The following AGBL4 variants were observed in gnomAD, a reference collection of about 807,000 sequenced individuals.
The protein encoded by AGBL4 is AGBL carboxypeptidase 4.
A neutral mutation model predicts 66.4 loss-of-function variants in AGBL4; 58 were observed. That is an observed-to-expected ratio of 0.87 (90% CI 0.71 to 1.09). AGBL4 has a LOEUF of 1.09. AGBL4 is among the 50% of genes least tolerant of loss of function. The pLI is 0.00. For missense variants in AGBL4, 579 were observed against 631.0 expected (o/e 0.92, Z 0.88); for synonymous variants, 234 against 222.9 (o/e 1.05, Z -0.44).
At chr1:49,130,165 G>GT (rs927969629) in intron 4 of AGBL4, among the ~76,000 whole-genome samples, 2 of 151,952 alleles carry the variant, frequency 1.3e-5, no homozygotes, top group Non-Finnish European at 2.9e-5. Context: ...GGGGTTGTTT[G>GT]TTTTTTCTTG....
intron 3 of AGBL4, among the ~76,000 whole-genome samples, chr1:49,520,365 C>A (rs1650159349): frequency 6.6e-6 from 1 of 151,990 alleles, no homozygotes; most frequent in Non-Finnish European, 1.5e-5. Context: ...TAAATACCTA[C>A]AAAAATGACA....
At chr1:48,850,322 C>G (rs1294411004) in intron 6 of AGBL4, among the ~76,000 whole-genome samples, 1 of 152,046 alleles carries the variant, frequency 6.6e-6, no homozygotes, top group Non-Finnish European at 1.5e-5. Flanking sequence ...ATCATTCTGG[C>G]TTTGTGGTCA....
chr1:49,567,688 C>A (rs1223035615), intron 3 of AGBL4, among the ~76,000 whole-genome samples: 1 of 152,170 alleles, frequency 6.6e-6, no homozygotes, highest in African/African-American at 2.4e-5. Flanking sequence ...TTAAGCCCAG[C>A]ATGCATTAGC....
At chr1:48,758,544 C>T (rs1393573277) in intron 6 of AGBL4, among the ~76,000 whole-genome samples, 2 of 152,234 alleles carry the variant, frequency 1.3e-5, no homozygotes, top group African/African-American at 4.8e-5. Context: ...AGGATCATGT[C>T]TACTTCTTTT....
At chr1:50,000,211 A>G (rs1203742581) in intron 1 of AGBL4, among the ~76,000 whole-genome samples, 1 of 152,064 alleles carries the variant, frequency 6.6e-6, no homozygotes, top group Non-Finnish European at 1.5e-5. Flanking sequence ...ACAAGGAACT[A>G]AAACAAATCA....
At chr1:49,463,871 G>A (rs1410528340) in intron 3 of AGBL4, among the ~76,000 whole-genome samples, 1 of 151,718 alleles carries the variant, frequency 6.6e-6, no homozygotes, top group Non-Finnish European at 1.5e-5. Context: ...ATTTGTTCAT[G>A]CGTTCATTCA....
At position 49,145,334 on chromosome 1, in the gene AGBL4, T is replaced by A. The variant is rs138564812; in HGVS notation, c.378-99534A>T. 9.9e-5 allele frequency among the ~76,000 whole-genome samples: 15 copies of A among 152,284 alleles called. No individual in the cohort carries two copies. The East Asian group carries it at 2.9e-3, about 29-fold the overall frequency. On this transcript the variant is annotated intron_variant, in intron 4 of 13. Transcript: ENST00000371839. ...TGGTTTTGTATCCCACCTCTATCATTTATTAGTTTGTTGAACTTGAAAAGT... is the reference window on the plus strand; with the variant it reads ...TGGTTTTGTATCCCACCTCTATCATATATTAGTTTGTTGAACTTGAAAAGT...
intron 2 of AGBL4, among the ~76,000 whole-genome samples, chr1:49,819,330 G>A (rs753953658): frequency 2.0e-5 from 3 of 152,090 alleles, no homozygotes; most frequent in Non-Finnish European, 4.4e-5. Flanking sequence ...TCTCTCTTGC[G>A]ATGCATTCAC....
rs1411945054 is a variant in AGBL4 at position 49,534,026 on chromosome 1, T to TTTG, written c.282+163286_282+163287insCAA. On this transcript the variant is annotated intron_variant, in intron 3 of 13. Coordinates refer to ENST00000371839, the MANE Select transcript of AGBL4 (RefSeq NM_032785.4). ...CTAAAGAGGGGTCAAATTTCTATAA[T>TTTG]ACTCTATCAACTTTCTAAGTATAAC... Among the ~76,000 whole-genome samples the TTTG allele has an allele frequency of 2.1e-4, 32 of 152,204 alleles. No individual in the cohort carries two copies. The East Asian group carries it at 5.8e-3, about 28-fold the overall frequency.
chr1:48,775,896 G>T (rs999257493), intron 6 of AGBL4, among the ~76,000 whole-genome samples: 6 of 152,120 alleles, frequency 3.9e-5, no homozygotes, highest in African/African-American at 1.4e-4. Flanking sequence ...TCTCATTCAG[G>T]GAGCCTTCTG....
At chr1:49,969,783 C>T (rs1272849997) in intron 1 of AGBL4, among the ~76,000 whole-genome samples, 3 of 152,126 alleles carry the variant, frequency 2.0e-5, no homozygotes, top group Non-Finnish European at 4.4e-5. Flanking sequence ...AAGCTGCTCG[C>T]CTTGACTGTC....
intron 5 of AGBL4, among the ~76,000 whole-genome samples, chr1:48,907,993 A>C (rs568188233): frequency 6.6e-6 from 1 of 152,102 alleles, no homozygotes; most frequent in African/African-American, 2.4e-5. Flanking sequence ...TGGTATCTTG[A>C]GAAGGCTAGG....
At chr1:49,880,509 C>G (rs1176481806) in intron 1 of AGBL4, among the ~76,000 whole-genome samples, 4 of 152,112 alleles carry the variant, frequency 2.6e-5, no homozygotes, top group African/African-American at 9.7e-5. Flanking sequence ...AGGAGGCAGT[C>G]TGCCCATTCT....
intron 3 of AGBL4, among the ~76,000 whole-genome samples, chr1:49,525,509 C>G (rs1316193928): frequency 3.3e-5 from 5 of 151,976 alleles, no homozygotes; most frequent in African/African-American, 1.2e-4. Context: ...TATGTAATGT[C>G]TTCCCTCCCT....
chr1:48,973,567 G>GA lies in AGBL4; in HGVS notation c.594+72016dup, dbSNP rs1216111237. On this transcript the variant is annotated intron_variant, in intron 5 of 13. Coordinates refer to ENST00000371839, the MANE Select transcript of AGBL4 (RefSeq NM_032785.4). ...AGGGCCTTCCACTGAAAGAAGGTGG[G>GA]AAAAAACCCCAATTCATCCCTTGAC... Among the ~76,000 whole-genome samples, 4 of 152,042 alleles carry GA rather than the reference G, an allele frequency of 2.6e-5. 1 individual carries two copies. The highest frequency in any genetic ancestry group is 1.3e-4 in the Admixed American group (2 of 15,248).
chr1:48,590,862 G>C lies in AGBL4; in HGVS notation c.1075C>G (p.Leu359Val). 1 of 1,604,742 alleles carries C rather than the reference G, an allele frequency of 6.2e-7. No homozygotes were observed. The highest frequency in any genetic ancestry group is 8.5e-7 in the Non-Finnish European group (1 of 1,175,608). ...FQRQAIFPKL[L>V]CQNAEDFSYS... ...GAGAAGTCCTCAGCATTCTGGCAGA[G>C]GAGCTTGGGAAAAATGGCCTGCCTC... Residue 359 changes from leucine to valine, a missense_variant, in exon 10 of 14, where the codon CTC becomes GTC. Physicochemically the swap from Leu to Val is conservative, Grantham distance 32 (BLOSUM62 1). Coordinates refer to ENST00000371839, the MANE Select transcript of AGBL4 (RefSeq NM_032785.4).
At chr1:49,764,454 T>G (rs1283772488) in intron 2 of AGBL4, among the ~76,000 whole-genome samples, 1 of 152,140 alleles carries the variant, frequency 6.6e-6, no homozygotes, top group Admixed American at 6.5e-5. Context: ...ACCTGAGAGA[T>G]CTGCCAGTGA....
chr1:48,814,091 T>C (rs1646120500), intron 6 of AGBL4, among the ~76,000 whole-genome samples: 1 of 152,160 alleles, frequency 6.6e-6, no homozygotes, highest in Non-Finnish European at 1.5e-5. Flanking sequence ...CATGATGTTA[T>C]TTCAGCAACA....
At chr1:49,977,513 A>G (rs1442421187) in intron 1 of AGBL4, among the ~76,000 whole-genome samples, 1 of 152,244 alleles carries the variant, frequency 6.6e-6, no homozygotes, top group African/African-American at 2.4e-5. Flanking sequence ...GAAGGACCAG[A>G]CGGTATGTGA....
Sources: gnomAD v4.1 joint callset for allele counts (sites outside exome capture counted in the v4.1 genomes callset) on GRCh38, gnomAD v4.1.1 for gene constraint, MANE v1.5 for transcripts, NCBI Gene and HGNC (gene_info 2026-07-23, HGNC 2026-07-21) for gene names.